BSN: variants seen among roughly 807,000 people sequenced by gnomAD.
BSN encodes protein bassoon.
In BSN, 57 loss-of-function variants were observed where a neutral mutation model predicts 264.8. The observed-to-expected ratio is 0.22, with a 90% CI of 0.17 to 0.27. The LOEUF is 0.27. Ranked by LOEUF, BSN falls within the 10% of genes least tolerant of loss-of-function variation. The pLI is 1.00. For synonymous variants in BSN, 2,059 were observed against 2,137.3 expected, an observed-to-expected ratio of 0.96 and a Z score of 1.01; for missense variants, 4,615 against 5,232.5, an observed-to-expected ratio of 0.88 and a Z score of 3.64.
rs2052661372 is a variant in BSN, at chr3:49,661,994, A to G, written c.10149A>G (p.Ser3383=). 1.9e-6 allele frequency: 3 copies of G among 1,613,808 alleles called. No individual in the cohort carries two copies. In the African/African-American group the frequency reaches 4.0e-5, roughly 22 times the overall value. ...SPIEEAKDVE[S]DLASYPPPAV... ...TTGAAGAGGCCAAAGACGTAGAGTCAGACCTGGCGTCCTACCCCCCACCTG... is the reference window on the plus strand; with the variant it reads ...TTGAAGAGGCCAAAGACGTAGAGTCGGACCTGGCGTCCTACCCCCCACCTG... Residue 3383 remains serine (S), a synonymous_variant, in exon 6 of 12, where the codon TCA becomes TCG. Coordinates refer to ENST00000296452, the MANE Select transcript of BSN (RefSeq NM_003458.4).
intron 1 of BSN, among the ~76,000 whole-genome samples, chr3:49,618,231 C>G (rs1283236064): frequency 1.3e-5 from 2 of 152,174 alleles, no homozygotes; most frequent in African/African-American, 2.4e-5. Context: ...CCCCTACCCC[C>G]ACCTCAACAC....
At chr3:49,659,746 C>G (rs1357384170) in intron 5 of BSN, among the ~76,000 whole-genome samples, 2 of 152,148 alleles carry the variant, frequency 1.3e-5, no homozygotes, top group Non-Finnish European at 2.9e-5. Context: ...AGCCATGCTG[C>G]TGGAGGTAGG....
chr3:49,625,234 G>GC lies in BSN; in HGVS notation c.490dup (p.Leu164ProfsTer117). ...ATCACCCTACTCCGTCCCTCAGATC[G>GC]CCCCCCTTCCCAGCAGCACGCTGTG... is the stretch of plus-strand genomic sequence containing the variant. On this transcript the variant is annotated frameshift_variant, in exon 2 of 12. Coordinates refer to ENST00000296452, the MANE Select transcript of BSN (RefSeq NM_003458.4). LOFTEE classifies it high-confidence loss of function. This position sits in a 1 kb window ranked among gnomAD's most constrained non-coding sequence, Gnocchi z 4.4. 1 of 1,587,548 alleles carries GC rather than the reference G, an allele frequency of 6.3e-7. No homozygotes were observed. Among genetic ancestry groups the GC allele is most frequent in the Non-Finnish European group, 8.6e-7 (1 of 1,167,710 alleles).
intron 2 of BSN, among the ~76,000 whole-genome samples, chr3:49,630,240 G>T (rs2052374976): frequency 6.6e-6 from 1 of 152,248 alleles, no homozygotes; most frequent in South Asian, 2.1e-4. Flanking sequence ...TGTACTGAGG[G>T]GAGGTAAAGG....
intron 11 of BSN, among the ~76,000 whole-genome samples, chr3:49,666,127 C>T (rs2108102055): frequency 1.3e-5 from 2 of 152,368 alleles, no homozygotes; most frequent in South Asian, 4.1e-4. Flanking sequence ...CTCCTCTTCT[C>T]CCTCCTTGCC....
chr3:49,557,368 T>C (rs1400565270), intron 1 of BSN, among the ~76,000 whole-genome samples: 5 of 152,334 alleles, frequency 3.3e-5, no homozygotes, highest in African/African-American at 1.2e-4. Context: ...ATTCATTTAC[T>C]TATTTATGGA....
At chr3:49,572,694 CGG>C (rs2051806961) in intron 1 of BSN, among the ~76,000 whole-genome samples, 2 of 152,134 alleles carry the variant, frequency 1.3e-5, no homozygotes, top group African/African-American at 2.4e-5. Flanking sequence ...CCACCACGCC[CGG>C]CTAATTTTTT....
Position 49,650,777 on chromosome 3 carries a change from G to A in BSN, c.1684G>A (p.Gly562Ser). 1 of 1,613,748 alleles carries A rather than the reference G, an allele frequency of 6.2e-7. No individual in the cohort carries two copies. Among genetic ancestry groups the A allele is most frequent in the Non-Finnish European group, 8.5e-7 (1 of 1,179,930 alleles). Residue 562 changes from glycine (G) to serine (S), a missense_variant, in exon 4 of 12, where the codon GGC (glycine) becomes AGC (serine). Gly to Ser is a moderately conservative substitution (Grantham distance 56). This residue lies in a region of BSN where 1,197 missense variants were observed against 1,348.0 expected (regional missense o/e 0.89). Transcript: ENST00000296452. Reference protein sequence around the residue: ...PLKQKGPQGLGQPSGPLPAKA... With the variant: ...PLKQKGPQGLSQPSGPLPAKA... ...GAAGCAGAAAGGGCCACAGGGGCTGGGCCAGCCTTCAGGCCCCCTGCCTGC... is the reference window on the plus strand; with the variant it reads ...GAAGCAGAAAGGGCCACAGGGGCTGAGCCAGCCTTCAGGCCCCCTGCCTGC...
rs116562149 is a variant in BSN, at chr3:49,639,633, G to T, written c.634-2635G>T. Among the ~76,000 whole-genome samples the T allele has an allele frequency of 6.6e-3, 1,006 of 152,276 alleles. 17 individuals carry two copies. Among genetic ancestry groups the T allele is most frequent in the African/African-American group, 0.023 (956 of 41,528 alleles). ...TTGGCCTTTGGGGGGCTCTGCCAGG[G>T]TTTGCAGTGCTGACTTCTAGAGCCT... On this transcript the variant is annotated intron_variant, in intron 2 of 11. Transcript: ENST00000296452.
chr3:49,636,131 G>A (rs1030513238), intron 2 of BSN, among the ~76,000 whole-genome samples: 4 of 152,202 alleles, frequency 2.6e-5, no homozygotes, highest in Non-Finnish European at 5.9e-5. Context: ...CAGTCGGTGA[G>A]CTTTGAGAAG....
intron 8 of BSN, 112 bp from the exon 9 acceptor site, chr3:49,664,311 C>T: frequency 1.4e-6 from 2 of 1,413,764 alleles, no homozygotes; most frequent in Non-Finnish European, 2.0e-6. Flanking sequence ...TCCTTCTCAC[C>T]TTCCCACCTT....
intron 1 of BSN, among the ~76,000 whole-genome samples, chr3:49,614,348 C>G (rs537652275): frequency 1.3e-5 from 2 of 152,272 alleles, no homozygotes; most frequent in Non-Finnish European, 2.9e-5. Context: ...CGTGAGCCAC[C>G]GCGCCCGGCC....
Position 49,653,896 on chromosome 3 carries a change from G to C in BSN, c.4340G>C (p.Arg1447Pro). 6.2e-7 allele frequency: 1 copy of C among 1,614,106 alleles called. No homozygotes were observed. Residue 1447 changes from arginine (R) to proline (P), a missense_variant, in exon 5 of 12, where the codon CGA becomes CCA. Coordinates refer to ENST00000296452, the MANE Select transcript of BSN (RefSeq NM_003458.4). The surrounding 1 kb of genome is among the most constrained non-coding windows in gnomAD (Gnocchi z 6.3). ...CCCAGTGGCCTTGCTGCAGCTGGAC[G>C]AGCTGCTAGAGAGAAGCCCTTGAGT... ...QAPSGLAAAG[R>P]AAREKPLSAS...
At chr3:49,612,182 C>T (rs2052211891) in intron 1 of BSN, among the ~76,000 whole-genome samples, 2 of 149,968 alleles carry the variant, frequency 1.3e-5, no homozygotes, top group Non-Finnish European at 2.9e-5. Context: ...GTTGCCCAGG[C>T]TGGAGTGCAG....
At position 49,656,067 on chromosome 3, in the gene BSN, G is replaced by A. The variant is rs115899392; in HGVS notation, c.6511G>A (p.Ala2171Thr). The A allele has an allele frequency of 2.0e-5, 32 of 1,609,440 alleles. No individual in the cohort carries two copies. The African/African-American group carries it at 4.1e-4, about 21-fold the overall frequency. Residue 2171 changes from alanine to threonine, a missense_variant, in exon 5 of 12, where the codon GCA becomes ACA. By Grantham distance (58) the Ala-to-Thr change is moderately conservative. Transcript: ENST00000296452. Reference protein sequence around the residue: ...PGNLAQYGPAAGQGTAVRQLL... With the variant: ...PGNLAQYGPATGQGTAVRQLL... ...GAACTTGGCCCAGTATGGGCCTGCAGCAGGCCAAGGAACAGCAGTCAGACA... is the reference window on the plus strand; with the variant it reads ...GAACTTGGCCCAGTATGGGCCTGCAACAGGCCAAGGAACAGCAGTCAGACA...
chr3:49,663,607 C>T lies in BSN; in HGVS notation c.11449C>T (p.Pro3817Ser), dbSNP rs1230489686. The T allele has an allele frequency of 1.2e-6, 2 of 1,608,428 alleles. No homozygotes were observed. The highest frequency in any genetic ancestry group is 2.7e-5 in the African/African-American group (2 of 74,894). Reference protein sequence around the residue: ...TRGSAPAASQPAGKPQPGPST... With the variant: ...TRGSAPAASQSAGKPQPGPST... ...GGGCTCAGCCCCTGCTGCCAGCCAG[C>T]CTGCAGGGAAGCCTCAGCCAGGCCC... The change falls in exon 7 of 12, where the codon CCT (proline) becomes TCT (serine). Residue 3817 changes from proline (P) to serine (S), a missense_variant. Around this residue, in one of 3 missense-constraint regions of BSN, gnomAD observed 3,415 missense variants for 3,866.4 expected, o/e 0.88. Coordinates refer to ENST00000296452, the MANE Select transcript of BSN (RefSeq NM_003458.4).
intron 2 of BSN, among the ~76,000 whole-genome samples, chr3:49,637,481 C>T (rs1378804541): frequency 1.3e-5 from 2 of 152,182 alleles, no homozygotes; most frequent in Non-Finnish European, 2.9e-5. Context: ...TGCTCCAGAG[C>T]CCAGTGGAGG....
Position 49,656,493 on chromosome 3 carries a change from A to C in BSN, c.6937A>C (p.Thr2313Pro), listed in dbSNP as rs1363443527. The C allele has an allele frequency of 6.3e-7, 1 of 1,594,546 alleles. No homozygotes were observed. Among genetic ancestry groups the C allele is most frequent in the South Asian group, 1.1e-5 (1 of 89,278 alleles). ...VGAAREEPLP[T>P]TTPAAIKEAA... is the part of the protein sequence containing the mutation. ...GGCTGCACGGGAAGAGCCTCTTCCC[A>C]CAACCACCCCTGCTGCCATCAAGGA... The change falls in exon 5 of 12, where the codon ACA becomes CCA. Residue 2313 changes from threonine to proline, a missense_variant. By Grantham distance (38) the Thr-to-Pro change is conservative. Coordinates refer to ENST00000296452, the MANE Select transcript of BSN (RefSeq NM_003458.4).
chr3:49,629,721 C>T (rs962036260), intron 2 of BSN, among the ~76,000 whole-genome samples: 3 of 152,246 alleles, frequency 2.0e-5, no homozygotes, highest in Admixed American at 6.5e-5. Context: ...AAGGGGCCCA[C>T]GCTCTGCCCC....
Sources: allele counts gnomAD v4.1 joint callset (sites outside exome capture counted in the v4.1 genomes callset), GRCh38; gene constraint gnomAD v4.1.1; regional missense constraint gnomAD v4.1.1; non-coding constraint Gnocchi (gnomAD v3.1); transcripts MANE v1.5; gene names NCBI Gene and HGNC (gene_info 2026-07-23, HGNC 2026-07-21).